Variants in PDE4D observed in about 807,000 individuals in gnomAD.
PDE4D encodes the protein phosphodiesterase 4D.
A neutral mutation model predicts 87.4 loss-of-function variants in PDE4D; 24 were observed. That is an observed-to-expected ratio of 0.27 (90% confidence interval 0.20 to 0.39). PDE4D has a LOEUF of 0.39. PDE4D is among the 10% of genes least tolerant of loss of function. The probability of loss-of-function intolerance (pLI) is 1.00; values close to 1 mark genes in which losing one functional copy is unlikely to be tolerated. For missense variants in PDE4D, 714 were observed against 1,041.0 expected, an observed-to-expected ratio of 0.69 and a Z score of 4.32; for synonymous variants, 384 against 383.2, an observed-to-expected ratio of 1.00 and a Z score of -0.02.
At chr5:59,231,297 T>A (rs979153450) in intron 1 of PDE4D, among the ~76,000 whole-genome samples, 1 of 152,220 alleles carries the variant, frequency 6.6e-6, no homozygotes, top group Non-Finnish European at 1.5e-5. Flanking sequence ...TCTGCCATAT[T>A]CCATTCTCTG....
chr5:60,131,112 T>C (rs1294035602), intron 2 of PDE4D, among the ~76,000 whole-genome samples: 4 of 152,342 alleles, frequency 2.6e-5, no homozygotes, highest in African/African-American at 7.2e-5. Flanking sequence ...CTCTCTAATC[T>C]ATTAATATAC....
At chr5:60,474,964 T>C (rs1031225477) in intron 1 of PDE4D, among the ~76,000 whole-genome samples, 2 of 152,348 alleles carry the variant, frequency 1.3e-5, no homozygotes, top group African/African-American at 4.8e-5. Flanking sequence ...TCTAAATGCT[T>C]GAATGGCTTT....
chr5:60,211,571 G>A (rs941096407), intron 1 of PDE4D, among the ~76,000 whole-genome samples: 18 of 148,386 alleles, frequency 1.2e-4, no homozygotes, highest in Admixed American at 6.7e-5. Flanking sequence ...TGTTTATTAC[G>A]CGTTTTATTT....
intron 1 of PDE4D, among the ~76,000 whole-genome samples, chr5:60,315,577 A>G (rs1221530734): frequency 4.6e-5 from 7 of 152,168 alleles, no homozygotes; most frequent in Non-Finnish European, 1.0e-4. Context: ...TATGTCCTGA[A>G]TGGTATTGCC....
chr5:60,517,626 A>G (rs1351858773), intron 1 of PDE4D, among the ~76,000 whole-genome samples: 1 of 151,488 alleles, frequency 6.6e-6, no homozygotes, highest in Non-Finnish European at 1.5e-5. Flanking sequence ...ACCTGCCTGC[A>G]GAGAGGAGCT....
At chr5:59,200,059 A>ATG (rs1746546484) in intron 2 of PDE4D, among the ~76,000 whole-genome samples, 1 of 149,744 alleles carries the variant, frequency 6.7e-6, no homozygotes, top group African/African-American at 2.5e-5. Flanking sequence ...ACACACATGC[A>ATG]TGTACACACA....
At chr5:59,760,228 T>G (rs1004625823) in intron 1 of PDE4D, among the ~76,000 whole-genome samples, 1 of 152,124 alleles carries the variant, frequency 6.6e-6, no homozygotes, top group Admixed American at 6.5e-5. Context: ...CTAATGCCAA[T>G]GCCTGATAAA....
At chr5:59,184,673 C>G (rs1330452484) in intron 4 of PDE4D, among the ~76,000 whole-genome samples, 2 of 152,012 alleles carry the variant, frequency 1.3e-5, no homozygotes. Flanking sequence ...AAATGATAAT[C>G]CTTTCCCATC....
At chr5:59,684,684 C>A (rs1341886542) in intron 1 of PDE4D, among the ~76,000 whole-genome samples, 2 of 152,140 alleles carry the variant, frequency 1.3e-5, no homozygotes, top group African/African-American at 4.8e-5. Flanking sequence ...CAGCAAAGGG[C>A]CCCAACTGAT....
intron 1 of PDE4D, among the ~76,000 whole-genome samples, chr5:59,631,693 G>A (rs946664194): frequency 5.9e-5 from 9 of 152,164 alleles, no homozygotes; most frequent in South Asian, 2.1e-4. Flanking sequence ...GGACTGTGCC[G>A]TGAGGAACGA....
chr5:59,024,035 G>A lies in PDE4D; in HGVS notation c.921+14824C>T, dbSNP rs138757613. Among the ~76,000 whole-genome samples the A allele has an allele frequency of 8.1e-4, 122 of 150,498 alleles. 1 individual carries two copies. The highest frequency in any genetic ancestry group is 2.9e-3 in the African/African-American group (120 of 40,850). On this transcript the variant is annotated intron_variant, in intron 6 of 14. Coordinates refer to ENST00000340635, the MANE Select transcript of PDE4D (RefSeq NM_001104631.2). Reference sequence around the variant, plus strand: ...CTCCTGCTCAGCCTCCCGAGTAGCTGAGATAACAGACATGCACCACCACAC... The same window carrying A: ...CTCCTGCTCAGCCTCCCGAGTAGCTAAGATAACAGACATGCACCACCACAC...
Position 59,517,539 on chromosome 5 carries a change from A to G in PDE4D, c.456-301571T>C, listed in dbSNP as rs115712971. ...CAGCATTCAAAGGTAGTGTTTAAGT[A>G]TATGGACTTGGGTGCTAGATCACTG... On this transcript the variant is annotated intron_variant, in intron 1 of 14. Coordinates refer to ENST00000340635, the MANE Select transcript of PDE4D (RefSeq NM_001104631.2). Among the ~76,000 whole-genome samples, 590 of 152,312 alleles carry G rather than the reference A, an allele frequency of 3.9e-3. 11 individuals are homozygous for G. The highest frequency in any genetic ancestry group is 0.013 in the African/African-American group (558 of 41,562).
chr5:59,162,037 G>T (rs976804578), intron 5 of PDE4D, among the ~76,000 whole-genome samples: 6 of 152,096 alleles, frequency 3.9e-5, no homozygotes, highest in Non-Finnish European at 8.8e-5. Context: ...CTGCACAAAG[G>T]CATTTTAAAC....
At chr5:60,451,063 A>G (rs1019306539) in intron 1 of PDE4D, among the ~76,000 whole-genome samples, 2 of 152,102 alleles carry the variant, frequency 1.3e-5, no homozygotes, top group African/African-American at 4.8e-5. Context: ...TAAGCACTTA[A>G]TGTATTCTTG....
chr5:59,682,863 G>T (rs560744407), intron 1 of PDE4D, among the ~76,000 whole-genome samples: 1 of 152,240 alleles, frequency 6.6e-6, no homozygotes, highest in African/African-American at 2.4e-5. Flanking sequence ...AAAACAATTG[G>T]CATGTAATTC....
At chr5:60,164,441 T>A (rs1184194169) in intron 2 of PDE4D, among the ~76,000 whole-genome samples, 2 of 152,166 alleles carry the variant, frequency 1.3e-5, no homozygotes, top group East Asian at 3.9e-4. Context: ...ATTTTCCTTT[T>A]CTCCTTCCAT....
chr5:59,946,844 T>A (rs774826947), intron 3 of PDE4D, among the ~76,000 whole-genome samples: 2 of 152,252 alleles, frequency 1.3e-5, no homozygotes, highest in Non-Finnish European at 2.9e-5. Flanking sequence ...AACTCATTTT[T>A]ACCTTGTATA....
intron 2 of PDE4D, among the ~76,000 whole-genome samples, chr5:60,132,563 G>A (rs1011137272): frequency 2.6e-5 from 4 of 152,110 alleles, no homozygotes; most frequent in African/African-American, 9.7e-5. Flanking sequence ...AAGAAAACCA[G>A]ACAATCATAC....
intron 1 of PDE4D, among the ~76,000 whole-genome samples, chr5:59,575,495 T>G (rs1392153839): frequency 6.6e-6 from 1 of 152,188 alleles, no homozygotes; most frequent in Non-Finnish European, 1.5e-5. Flanking sequence ...AGCAATAGCA[T>G]TTAGATTTTA....
Sources: gnomAD v4.1 joint callset for allele counts (sites outside exome capture counted in the v4.1 genomes callset) on GRCh38, gnomAD v4.1.1 for gene constraint, MANE v1.5 for transcripts, NCBI Gene and HGNC (gene_info 2026-07-23, HGNC 2026-07-21) for gene names.